Variants in YY1AP1 observed in about 807,000 individuals in gnomAD.
YY1AP1 encodes YY1-associated protein 1.
In YY1AP1, 43 loss-of-function variants were observed where a neutral mutation model predicts 39.9. That is an observed-to-expected ratio of 1.08 (90% CI 0.84 to 1.39). YY1AP1 has a LOEUF of 1.39. Among genes scored for constraint, YY1AP1 ranks in the 40% most tolerant of loss-of-function variants. The probability of loss-of-function intolerance (pLI) is 0.00; values close to 1 mark genes in which losing one functional copy is unlikely to be tolerated. For synonymous variants in YY1AP1, 292 were observed against 331.3 expected (o/e 0.88, Z 1.29); for missense variants, 813 against 900.7 (o/e 0.90, Z 1.25).
chr1:155,666,578 T>C (rs938074678), intron 9 of YY1AP1, among the ~76,000 whole-genome samples: 2 of 152,118 alleles, frequency 1.3e-5, no homozygotes, highest in African/African-American at 4.8e-5. Context: ...CCGTGGTTTA[T>C]GGTTAATAAG....
intron 2 of YY1AP1, among the ~76,000 whole-genome samples, chr1:155,686,239 G>A (rs1652287663): frequency 6.6e-6 from 1 of 151,718 alleles, no homozygotes; most frequent in Non-Finnish European, 1.5e-5. Context: ...GTTTCATCCT[G>A]TTAGCCAGGA....
chr1:155,688,103 G>A lies in YY1AP1; in HGVS notation c.-53C>T. The A allele has an allele frequency of 6.2e-7, 1 of 1,608,814 alleles. No homozygotes were observed. Among genetic ancestry groups the A allele is most frequent in the Non-Finnish European group, 8.5e-7 (1 of 1,176,748 alleles). Reference sequence around the variant, plus strand: ...GAGGCCGAGAGCGATGAGAGTACAGGGAAGTGAGGAAGAGGGGGTGGCCGC... The same window carrying A: ...GAGGCCGAGAGCGATGAGAGTACAGAGAAGTGAGGAAGAGGGGGTGGCCGC... On this transcript the variant is annotated 5_prime_UTR_variant, in exon 2 of 11. Coordinates refer to ENST00000355499, the MANE Select transcript of YY1AP1 (RefSeq NM_139119.3).
chr1:155,688,012 G>A (rs1473733755), intron 2 of YY1AP1, 59 bp downstream of exon 2: 1 of 1,507,924 alleles, frequency 6.6e-7, no homozygotes, highest in African/African-American at 1.4e-5. Context: ...AGAAAGCCCA[G>A]GATTCAATCG....
intron 3 of YY1AP1, 148 bp downstream of exon 3, chr1:155,680,268 C>A (rs1379252946): frequency 2.6e-6 from 2 of 764,462 alleles, no homozygotes; most frequent in Non-Finnish European, 2.0e-6. Context: ...TAGCAAATTT[C>A]TTTTGTCATT....
At position 155,675,480 on chromosome 1, in the gene YY1AP1, G is replaced by A. The variant is rs897519399; in HGVS notation, c.325-384C>T. Among the ~76,000 whole-genome samples, 41 of 151,844 alleles carry A rather than the reference G, an allele frequency of 2.7e-4. No individual in the cohort carries two copies. In the East Asian group the frequency reaches 4.7e-3, roughly 17 times the overall value. On this transcript the variant is annotated intron_variant, in intron 5 of 10. Coordinates refer to ENST00000355499, the MANE Select transcript of YY1AP1 (RefSeq NM_139119.3). ...GTAGCTGGGATTACAGGTGCCCGCC[G>A]CCACACCCAGCTAATTTTTTGTTTT... is the stretch of plus-strand genomic sequence containing the variant.
chr1:155,672,340 G>A lies in YY1AP1; in HGVS notation c.583+220C>T, dbSNP rs1318396151. The stretch of plus-strand genomic sequence containing the variant: ...TCTCTACCTCCCATATTCCTATACT[G>A]TCCACTGCCTCCATGCCTTACCCAG... On this transcript the variant is annotated intron_variant, in intron 7 of 10. Coordinates refer to ENST00000355499, the MANE Select transcript of YY1AP1 (RefSeq NM_139119.3). The A allele has an allele frequency of 1.2e-5, 8 of 674,552 alleles. No individual in the cohort carries two copies. The Admixed American group carries it at 1.8e-4, about 15-fold the overall frequency. The allele number at this position is 674,552 out of a possible 1,614,324, so 41.8% of individuals were successfully genotyped here. A position where few individuals can be genotyped will look rare whatever the true frequency, so the allele number is the denominator to read the frequency against.
chr1:155,675,961 C>A (rs191948339), intron 5 of YY1AP1, among the ~76,000 whole-genome samples: 4 of 152,246 alleles, frequency 2.6e-5, no homozygotes, highest in Admixed American at 2.6e-4. Flanking sequence ...CAGTGACTCA[C>A]GCGTGTAATC....
rs140193654 is a variant in YY1AP1, at chr1:155,677,631, G to A, written c.126-885C>T. 3.2e-3 allele frequency among the ~76,000 whole-genome samples: 486 copies of A among 152,304 alleles called. 1 individual carries two copies. Among genetic ancestry groups the A allele is most frequent in the African/African-American group, 0.011 (473 of 41,552 alleles). On this transcript the variant is annotated intron_variant, in intron 4 of 10. Transcript: ENST00000355499. ...GTAACGTTTTTCAATAGTTTTTGCA[G>A]ATAAAGATTACGTTTGAATAAGTTT...
In YY1AP1 at chr1:155,680,457, C is replaced by CGAAA; in HGVS notation, c.-20-2_-20-1insTTTC. 2 of 1,613,378 alleles carry CGAAA rather than the reference C, an allele frequency of 1.2e-6. No individual in the cohort carries two copies. Among genetic ancestry groups the CGAAA allele is most frequent in the Non-Finnish European group, 1.7e-6 (2 of 1,179,516 alleles). On this transcript the variant is annotated splice_acceptor_variant, in intron 2 of 10. Transcript: ENST00000355499. LOFTEE classifies it low-confidence loss of function (5UTR_SPLICE). ...TCCATCAGCTCATTTGCTTCCTTTT[C>CGAAA]TGCAAAAAAGCCAAACGTTGTTGGT...
intron 2 of YY1AP1, among the ~76,000 whole-genome samples, chr1:155,684,744 T>C (rs1424195181): frequency 6.6e-6 from 1 of 151,980 alleles, no homozygotes; most frequent in Non-Finnish European, 1.5e-5. Context: ...CTCCAACACA[T>C]GCAGCTAATT....
rs139714839 is a variant in YY1AP1, at chr1:155,661,045, A to G, written c.997-132T>C. ...GGGACTCTGCATATGAAATTTCTAC[A>G]AAGACCACAGTCCAATTATACACTT... On this transcript the variant is annotated intron_variant, in intron 10 of 10. Transcript: ENST00000355499. The G allele has an allele frequency of 4.3e-5, 65 of 1,517,116 alleles. No individual in the cohort carries two copies. In the East Asian group the frequency reaches 1.2e-3, roughly 28 times the overall value. 94.0% of individuals were successfully genotyped at this position (1,517,116 alleles called of 1,614,324 possible). A position where few individuals can be genotyped will look rare whatever the true frequency, so the allele number is the denominator to read the frequency against.
At chr1:155,670,595 CT>C in intron 7 of YY1AP1, 131 bp from the exon 8 acceptor site, 1 of 907,158 alleles carries the variant, frequency 1.1e-6, no homozygotes, top group Non-Finnish European at 1.7e-6. Flanking sequence ...CTGCCTACCA[CT>C]CCCCAAAGAG....
chr1:155,688,808 C>G (rs1653178147), upstream of YY1AP1: 5 of 1,558,192 alleles, frequency 3.2e-6, no homozygotes, highest in East Asian at 1.2e-4. Context: ...CAGTCCCCAC[C>G]GCGGGACTGT....
intron 9 of YY1AP1, among the ~76,000 whole-genome samples, chr1:155,662,281 G>C (rs1648283262): frequency 6.6e-6 from 1 of 151,918 alleles, no homozygotes; most frequent in Non-Finnish European, 1.5e-5. Context: ...ACTTGAGATT[G>C]AGAGTTTGAG....
chr1:155,688,282 C>G (rs768896723), intron 1 of YY1AP1, 81 bp from the exon 2 acceptor site: 19 of 1,586,504 alleles, frequency 1.2e-5, no homozygotes, highest in Middle Eastern at 1.7e-4. Context: ...CCGCAACCGA[C>G]ACTGGGATCG....
chr1:155,665,638 C>T (rs903991036), intron 9 of YY1AP1, among the ~76,000 whole-genome samples: 2 of 149,814 alleles, frequency 1.3e-5, no homozygotes, highest in African/African-American at 2.5e-5. Flanking sequence ...CAAGGCCAGG[C>T]GTGGTGTCTC....
chr1:155,662,294 C>T (rs1472444596), intron 9 of YY1AP1, among the ~76,000 whole-genome samples: 2 of 151,944 alleles, frequency 1.3e-5, no homozygotes, highest in East Asian at 3.9e-4. Flanking sequence ...AGTTTGAGAC[C>T]AGCCTGGCCA....
At chr1:155,686,195 C>G (rs1652267746) in intron 2 of YY1AP1, among the ~76,000 whole-genome samples, 1 of 151,714 alleles carries the variant, frequency 6.6e-6, no homozygotes, top group Non-Finnish European at 1.5e-5. Context: ...GCCACCACGC[C>G]CGGCTAATTT....
chr1:155,672,385 A>C, intron 7 of YY1AP1, 175 bp downstream of exon 7: 5 of 838,886 alleles, frequency 6.0e-6, no homozygotes, highest in Non-Finnish European at 9.8e-6. Flanking sequence ...TTATCATGTA[A>C]TTCTAGAACT....
Sources: allele counts gnomAD v4.1 joint callset (sites outside exome capture counted in the v4.1 genomes callset), GRCh38; gene constraint gnomAD v4.1.1; transcripts MANE v1.5; gene names NCBI Gene and HGNC (gene_info 2026-07-23, HGNC 2026-07-21).